The following RUSC2 variants were observed in gnomAD, a reference collection of about 807,000 sequenced individuals.
The protein encoded by RUSC2 is AP-4 complex accessory subunit RUSC2.
In RUSC2, 34 loss-of-function variants were observed where a neutral mutation model predicts 122.2. That is an observed-to-expected ratio of 0.28 (90% CI 0.21 to 0.37). The LOEUF is 0.37. Ranked by LOEUF, RUSC2 falls within the 10% of genes least tolerant of loss-of-function variation. RUSC2 has a pLI of 1.00. For synonymous variants in RUSC2, 784 were observed against 790.0 expected, an observed-to-expected ratio of 0.99 and a Z score of 0.13; for missense variants, 1,747 against 1,952.4, an observed-to-expected ratio of 0.89 and a Z score of 1.98.
intron 1 of RUSC2, among the ~76,000 whole-genome samples, chr9:35,520,036 G>A (rs1821182830): frequency 6.6e-6 from 1 of 152,134 alleles, no homozygotes; most frequent in African/African-American, 2.4e-5. Context: ...TTAAATGTGG[G>A]GGCTTAAGTA....
At chr9:35,536,808 C>CAAAAAAA (rs67604535) in intron 1 of RUSC2, among the ~76,000 whole-genome samples, 397 of 69,444 alleles carry the variant, frequency 5.7e-3, no homozygotes, top group Non-Finnish European at 7.5e-3. Flanking sequence ...GAGTGAAACT[C>CAAAAAAA]AAAAAAAAAA....
At chr9:35,513,621 T>C (rs1037240966) in intron 1 of RUSC2, among the ~76,000 whole-genome samples, 1 of 152,052 alleles carries the variant, frequency 6.6e-6, no homozygotes, top group African/African-American at 2.4e-5. Context: ...TTGACAACAA[T>C]TCTGACACAT....
At chr9:35,509,199 T>C (rs1054989520) in intron 1 of RUSC2, among the ~76,000 whole-genome samples, 5 of 152,132 alleles carry the variant, frequency 3.3e-5, no homozygotes, top group Non-Finnish European at 2.9e-5. Context: ...TGATGGTGCA[T>C]ACCTGTAGTC....
At chr9:35,553,929 A>G (rs182815004) in intron 2 of RUSC2, among the ~76,000 whole-genome samples, 1 of 152,342 alleles carries the variant, frequency 6.6e-6, no homozygotes, top group Admixed American at 6.5e-5. Flanking sequence ...TAAAAAGAAC[A>G]GTGGCTCTGA....
At position 35,547,139 on chromosome 9, in the gene RUSC2, G is replaced by C. The variant is rs1325669168; in HGVS notation, c.618G>C (p.Gly206=). 3 of 1,614,068 alleles carry C rather than the reference G, an allele frequency of 1.9e-6. No individual in the cohort carries two copies. The highest frequency in any genetic ancestry group is 1.3e-5 in the African/African-American group (1 of 74,928). The change falls in exon 2 of 12, where the codon GGG becomes GGC. Residue 206 remains glycine, a synonymous_variant. Coordinates refer to ENST00000361226, the MANE Select transcript of RUSC2 (RefSeq NM_014806.5). This position sits in a 1 kb window ranked among gnomAD's most constrained non-coding sequence, Gnocchi z 4.6. ...EAETMELDEC[G]GPGGSGSGGG... ...AGACTATGGAGCTGGATGAGTGTGG[G>C]GGACCTGGTGGGAGTGGCAGTGGGG... is the stretch of plus-strand genomic sequence containing the variant.
chr9:35,510,874 G>A (rs561497614), intron 1 of RUSC2, among the ~76,000 whole-genome samples: 1 of 152,324 alleles, frequency 6.6e-6, no homozygotes, highest in African/African-American at 2.4e-5. Context: ...CTTATTCTGA[G>A]ATTTTGACTA....
Position 35,560,508 on chromosome 9 carries a change from A to G in RUSC2, c.3868A>G (p.Arg1290Gly). 6.2e-7 allele frequency: 1 copy of G among 1,614,190 alleles called. No homozygotes were observed. The highest frequency in any genetic ancestry group is 8.5e-7 in the Non-Finnish European group (1 of 1,180,010). ...CATCGATGGCTCCATTGAGGGTTCC[A>G]GGTTCCCTCGTGGTAGCAGCAACAG... ...VYIDGSIEGS[R>G]FPRGSSNSSS... The change falls in exon 10 of 12, where the codon AGG becomes GGG. Residue 1290 changes from arginine to glycine, a missense_variant. Arg to Gly is a moderately radical substitution (Grantham distance 125). Transcript: ENST00000361226.
rs1821818569 is a variant in RUSC2, at chr9:35,548,445, C to T, written c.1924C>T (p.Pro642Ser). The T allele has an allele frequency of 1.2e-6, 2 of 1,613,846 alleles. No homozygotes were observed. Among genetic ancestry groups the T allele is most frequent in the Middle Eastern group, 1.6e-4 (1 of 6,084 alleles). ...PAGLRATGQG[P>S]LAQLMDPGPA... Reference sequence around the variant, plus strand: ...TGGCCTCAGAGCTACTGGGCAAGGCCCCCTGGCTCAGCTGATGGATCCAGG... The same window carrying T: ...TGGCCTCAGAGCTACTGGGCAAGGCTCCCTGGCTCAGCTGATGGATCCAGG... The change falls in exon 2 of 12, where the codon CCC (proline) becomes TCC (serine). Residue 642 changes from proline (P) to serine (S), a missense_variant. Physicochemically the swap from Pro to Ser is moderately conservative, Grantham distance 74. Coordinates refer to ENST00000361226, the MANE Select transcript of RUSC2 (RefSeq NM_014806.5). This position sits in a 1 kb window ranked among gnomAD's most constrained non-coding sequence, Gnocchi z 4.5.
Position 35,561,205 on chromosome 9 carries a change from C to T in RUSC2, c.4374C>T (p.His1458=). 1 of 1,614,122 alleles carries T rather than the reference C, an allele frequency of 6.2e-7. No homozygotes were observed. Among genetic ancestry groups the T allele is most frequent in the Non-Finnish European group, 8.5e-7 (1 of 1,180,008 alleles). ...PPCEVQALCH[H]LATGPGQLSF... ...GTGAGGTGCAGGCACTGTGCCACCA[C>T]CTGGCCACCGGCCCTGGACAGCTGA... The change falls in exon 12 of 12, where the codon CAC becomes CAT. Residue 1458 remains histidine, a synonymous_variant. Coordinates refer to ENST00000361226, the MANE Select transcript of RUSC2 (RefSeq NM_014806.5).
At chr9:35,509,070 C>T (rs1820968631) in intron 1 of RUSC2, among the ~76,000 whole-genome samples, 1 of 152,074 alleles carries the variant, frequency 6.6e-6, no homozygotes, top group African/African-American at 2.4e-5. Flanking sequence ...CAGAATGAGG[C>T]TGGGCACAGT....
At chr9:35,523,829 A>G (rs111848514) in intron 1 of RUSC2, among the ~76,000 whole-genome samples, 2 of 151,992 alleles carry the variant, frequency 1.3e-5, no homozygotes, top group Non-Finnish European at 1.5e-5. Flanking sequence ...AATTAAAAAA[A>G]AAAAATAAAA....
In RUSC2 at chr9:35,558,047, G is replaced by A. The variant is rs1023724708; in HGVS notation, c.3060+57G>A. Reference sequence around the variant, plus strand: ...GCCTGCAAGCCCTCACCTGTCCCGCGCTACCACCTTCCCTTGCTGTCTTGC... The same window carrying A: ...GCCTGCAAGCCCTCACCTGTCCCGCACTACCACCTTCCCTTGCTGTCTTGC... On this transcript the variant is annotated intron_variant, in intron 6 of 11. Transcript: ENST00000361226. The surrounding 1 kb of genome is among the most constrained non-coding windows in gnomAD (Gnocchi z 4.3). 1.1e-5 allele frequency: 18 copies of A among 1,584,654 alleles called. 1 individual carries two copies. The East Asian group carries it at 2.0e-4, about 18-fold the overall frequency.
intron 1 of RUSC2, among the ~76,000 whole-genome samples, chr9:35,516,953 T>C (rs544211548): frequency 1.3e-5 from 2 of 152,362 alleles, no homozygotes; most frequent in South Asian, 2.1e-4. Context: ...AATGGATATG[T>C]TAATTAGCTT....
At chr9:35,525,953 G>A (rs573741012) in intron 1 of RUSC2, among the ~76,000 whole-genome samples, 9 of 152,278 alleles carry the variant, frequency 5.9e-5, no homozygotes, top group South Asian at 2.1e-4. Flanking sequence ...TTAGCTGGGC[G>A]TGATGGCACG....
Position 35,558,640 on chromosome 9 carries a change from A to C in RUSC2, c.3341+73A>C, listed in dbSNP as rs562761113. 8.0e-7 allele frequency: 1 copy of C among 1,245,436 alleles called. No homozygotes were observed. The highest frequency in any genetic ancestry group is 1.5e-5 in the African/African-American group (1 of 67,878). 77.1% of individuals were successfully genotyped at this position (1,245,436 alleles called of 1,614,324 possible). ...CCACCCCCGGGCTCTGCCTGCACCAAGGAAACAACGCCCTGGACAGACAGA... is the reference window on the plus strand; with the variant it reads ...CCACCCCCGGGCTCTGCCTGCACCACGGAAACAACGCCCTGGACAGACAGA... On this transcript the variant is annotated intron_variant, in intron 8 of 11. Coordinates refer to ENST00000361226, the MANE Select transcript of RUSC2 (RefSeq NM_014806.5). The surrounding 1 kb of genome is among the most constrained non-coding windows in gnomAD (Gnocchi z 4.3).
In RUSC2 at chr9:35,553,447, C is replaced by T. The variant is rs545980215; in HGVS notation, c.2015-1613C>T. On this transcript the variant is annotated intron_variant, in intron 2 of 11. Transcript: ENST00000361226. ...CCCACTTTTCTGGAGCTCTTAGGAG[C>T]AGTAATGGACAATAAACACATTAAA... 6.6e-5 allele frequency among the ~76,000 whole-genome samples: 10 copies of T among 152,150 alleles called. No homozygotes were observed. The South Asian group carries it at 2.1e-3, about 32-fold the overall frequency.
At chr9:35,530,566 CAG>C (rs1821400006) in intron 1 of RUSC2, among the ~76,000 whole-genome samples, 1 of 152,096 alleles carries the variant, frequency 6.6e-6, no homozygotes. Flanking sequence ...AGCCAAAACT[CAG>C]AGTATATTCG....
chr9:35,536,808 C>CAAAAAA (rs67604535), intron 1 of RUSC2, among the ~76,000 whole-genome samples: 42 of 69,602 alleles, frequency 6.0e-4, no homozygotes, highest in Non-Finnish European at 7.4e-4. Flanking sequence ...GAGTGAAACT[C>CAAAAAA]AAAAAAAAAA....
rs781008748 is a variant in RUSC2, at chr9:35,555,181, C to G, written c.2136C>G (p.Ala712=). Residue 712 remains alanine (A), a synonymous_variant, in exon 3 of 12, where the codon GCC becomes GCG. Coordinates refer to ENST00000361226, the MANE Select transcript of RUSC2 (RefSeq NM_014806.5). This position sits in a 1 kb window ranked among gnomAD's most constrained non-coding sequence, Gnocchi z 4.6. ...CCAAGCAGCTGGCCAAGGCCCGGGC[C>G]CTCCACAGCCTTTCCCAGCTCTACA... is the stretch of plus-strand genomic sequence containing the variant. The part of the protein sequence containing the change: ...HFPKQLAKAR[A]LHSLSQLYSL... The G allele has an allele frequency of 1.2e-6, 2 of 1,613,606 alleles. No homozygotes were observed. Among genetic ancestry groups the G allele is most frequent in the African/African-American group, 2.7e-5 (2 of 75,028 alleles).
Sources: gnomAD v4.1 joint callset for allele counts (sites outside exome capture counted in the v4.1 genomes callset) on GRCh38, gnomAD v4.1.1 for gene constraint, Gnocchi (gnomAD v3.1) non-coding constraint, MANE v1.5 for transcripts, NCBI Gene and HGNC (gene_info 2026-07-23, HGNC 2026-07-21) for gene names.